Variants in ATP10B observed in about 807,000 individuals in gnomAD.
ATP10B encodes the protein ATPase phospholipid transporting 10B (putative).
Under a neutral mutation model 141.2 loss-of-function variants are expected in ATP10B, and 122 were observed. The observed-to-expected ratio is 0.86, with a 90% CI of 0.75 to 1.00. The LOEUF (loss-of-function observed/expected upper bound fraction) is 1.00, where lower values mean the gene tolerates loss of function less well. Ranked by LOEUF, ATP10B falls within the 50% of genes least tolerant of loss-of-function variation. ATP10B has a pLI of 0.00. For synonymous variants in ATP10B, 685 were observed against 692.0 expected, an observed-to-expected ratio of 0.99 and a Z score of 0.16; for missense variants, 1,876 against 1,825.3, an observed-to-expected ratio of 1.03 and a Z score of -0.51.
At chr5:160,857,328 G>A in the ATP10B span, among the ~76,000 whole-genome samples, 3 of 151,292 alleles carry the variant, frequency 2.0e-5, no homozygotes, top group Non-Finnish European at 3.0e-5. Context: ...ATTTTGTCTA[G>A]AGTTGTCTAT....
chr5:160,670,852 T>C (rs150419162), intron 6 of ATP10B, among the ~76,000 whole-genome samples, 185 bp from the exon 7 acceptor site: 12 of 152,212 alleles, frequency 7.9e-5, no homozygotes, highest in South Asian at 4.2e-4. Context: ...CTAGGCATAA[T>C]CTACAGAATC....
chr5:160,606,088 A>G (rs1305193647), intron 19 of ATP10B, among the ~76,000 whole-genome samples: 1 of 152,236 alleles, frequency 6.6e-6, no homozygotes, highest in Non-Finnish European at 1.5e-5. Flanking sequence ...GGAGAAAGAA[A>G]GGTGGCCACA....
chr5:160,786,998 C>A (rs959445578), intron 1 of ATP10B, among the ~76,000 whole-genome samples: 5 of 152,000 alleles, frequency 3.3e-5, no homozygotes, highest in African/African-American at 9.7e-5. Context: ...CTCCACCCAG[C>A]TGACTGACCT....
chr5:160,773,971 AGGGGAGCTTTTGC>A (rs1426608198), intron 2 of ATP10B, among the ~76,000 whole-genome samples: 1 of 152,166 alleles, frequency 6.6e-6, no homozygotes, highest in African/African-American at 2.4e-5. Flanking sequence ...GTAAAGACTC[AGGGGAGCTTTTGC>A]GGAGTCATCA....
At chr5:160,813,348 G>T (rs7726583) in intron 1 of ATP10B, among the ~76,000 whole-genome samples, 2 of 152,190 alleles carry the variant, frequency 1.3e-5, no homozygotes, top group Non-Finnish European at 2.9e-5. Flanking sequence ...CCCGCGCATG[G>T]CTTGGAGGGT....
At chr5:160,905,691 C>T in the ATP10B span, among the ~76,000 whole-genome samples, 1 of 151,272 alleles carries the variant, frequency 6.6e-6, no homozygotes, top group Non-Finnish European at 1.5e-5. Context: ...TCAATGAGTG[C>T]CTCCTAAATG....
chr5:160,824,808 G>A lies in ATP10B; in HGVS notation c.-576+27133C>T, dbSNP rs553105062. On this transcript the variant is annotated intron_variant, in intron 1 of 25. Transcript: ENST00000327245. Reference sequence around the variant, plus strand: ...AAACATTGTTATGCAATGCATGACTGTGTAAAGGTTTTTCAATTGCATGTG... The same window carrying A: ...AAACATTGTTATGCAATGCATGACTATGTAAAGGTTTTTCAATTGCATGTG... Among the ~76,000 whole-genome samples, 3 of 152,238 alleles carry A rather than the reference G, an allele frequency of 2.0e-5. No homozygotes were observed. In the East Asian group the frequency reaches 5.8e-4, roughly 29 times the overall value.
chr5:160,810,075 A>C (rs1255407492), intron 1 of ATP10B, among the ~76,000 whole-genome samples: 2 of 152,174 alleles, frequency 1.3e-5, no homozygotes, highest in African/African-American at 4.8e-5. Context: ...CTTTCTTTAC[A>C]TGATGAATTT....
At chr5:160,748,482 C>A (rs566493366) in intron 2 of ATP10B, among the ~76,000 whole-genome samples, 2 of 152,308 alleles carry the variant, frequency 1.3e-5, no homozygotes, top group South Asian at 4.1e-4. Context: ...CCACTGGGTA[C>A]AAAAGAGTGC....
chr5:160,664,374 A>G (rs1549905), intron 7 of ATP10B, among the ~76,000 whole-genome samples: 125,813 of 152,178 alleles, frequency 0.83, 52,293 homozygotes, highest in South Asian at 0.88. Flanking sequence ...CTTAAAATCA[A>G]TACATACTTT....
At chr5:160,929,327 C>A in the ATP10B span, among the ~76,000 whole-genome samples, 1 of 152,230 alleles carries the variant, frequency 6.6e-6, no homozygotes, top group Non-Finnish European at 1.5e-5. Flanking sequence ...GCTGCTACCA[C>A]CCCCAGATAT....
chr5:160,646,934 C>T (rs915240673), intron 8 of ATP10B, among the ~76,000 whole-genome samples: 2 of 152,108 alleles, frequency 1.3e-5, no homozygotes, highest in African/African-American at 4.8e-5. Context: ...GGGGGGCTGT[C>T]CTGTGCATTG....
At chr5:160,866,493 G>A in the ATP10B span, among the ~76,000 whole-genome samples, 1 of 151,994 alleles carries the variant, frequency 6.6e-6, no homozygotes, top group African/African-American at 2.4e-5. Context: ...GGCCAACATG[G>A]TGAAACCCCA....
At chr5:160,663,670 A>AGGTAT (rs1415252223) in intron 7 of ATP10B, among the ~76,000 whole-genome samples, 2 of 9,496 alleles carry the variant, frequency 2.1e-4, no homozygotes, top group African/African-American at 3.6e-4. Flanking sequence ...GGATAGCATT[A>AGGTAT]GGAGATATAC....
intron 25 of ATP10B, among the ~76,000 whole-genome samples, chr5:160,567,580 C>T (rs928903008): frequency 1.3e-5 from 2 of 152,084 alleles, no homozygotes; most frequent in African/African-American, 4.8e-5. Flanking sequence ...GAAAGGTTTA[C>T]ACACAGTAAC....
chr5:160,925,856 G>GACAAGTGGACAATGGTGAATAAAAGTGC, the ATP10B span, among the ~76,000 whole-genome samples: 3 of 151,388 alleles, frequency 2.0e-5, no homozygotes, highest in Non-Finnish European at 4.4e-5. Flanking sequence ...TGGTAAACAA[G>GACAAGTGGACAATGGTGAATAAAAGTGC]ACAAGTGGAC....
intron 10 of ATP10B, 54 bp downstream of exon 10, chr5:160,640,407 C>T: frequency 3.8e-6 from 6 of 1,581,926 alleles, no homozygotes; most frequent in Non-Finnish European, 5.2e-6. Context: ...GCTGAAGAAA[C>T]TTGCCCAAAT....
chr5:160,628,486 G>A (rs1309723605), intron 13 of ATP10B, among the ~76,000 whole-genome samples: 1 of 152,160 alleles, frequency 6.6e-6, no homozygotes, highest in Non-Finnish European at 1.5e-5. Flanking sequence ...TGGGAGTGCT[G>A]CATAAATCTC....
chr5:160,726,198 C>T (rs149537477), intron 2 of ATP10B, among the ~76,000 whole-genome samples: 2 of 152,218 alleles, frequency 1.3e-5, no homozygotes, highest in Non-Finnish European at 2.9e-5. Flanking sequence ...TAGACCTTTT[C>T]TCTGCATGGT....
Sources: allele counts gnomAD v4.1 joint callset (sites outside exome capture counted in the v4.1 genomes callset), GRCh38; gene constraint gnomAD v4.1.1; transcripts MANE v1.5; gene names NCBI Gene and HGNC (gene_info 2026-07-23, HGNC 2026-07-21).